Variants in ACOXL observed in about 807,000 individuals in gnomAD.
ACOXL encodes acyl-CoA oxidase like.
Under a neutral mutation model 71.9 loss-of-function variants are expected in ACOXL, and 70 were observed. The ratio of observed to expected loss-of-function variants is 0.97; its 90% CI spans 0.80 to 1.19. The LOEUF (loss-of-function observed/expected upper bound fraction) is 1.19, where lower values mean the gene tolerates loss of function less well. Ranked by LOEUF, ACOXL falls within the 50% of genes most tolerant of loss-of-function variation. The pLI is 0.00. For missense variants in ACOXL, 703 were observed against 736.3 expected (o/e 0.95, Z 0.52); for synonymous variants, 253 against 281.6 (o/e 0.90, Z 1.02).
chr2:110,973,724 A>G (rs2149495261), intron 12 of ACOXL, among the ~76,000 whole-genome samples: 1 of 152,312 alleles, frequency 6.6e-6, no homozygotes, highest in African/African-American at 2.4e-5. Flanking sequence ...ACAAGGATTG[A>G]GAGCAGGAGA....
chr2:110,900,540 G>A (rs2059193588), intron 10 of ACOXL, among the ~76,000 whole-genome samples: 1 of 152,180 alleles, frequency 6.6e-6, no homozygotes, highest in Non-Finnish European at 1.5e-5. Flanking sequence ...CACACTGGCA[G>A]GTGTTAGAGT....
At chr2:110,807,149 G>A (rs1214125480) in intron 9 of ACOXL, among the ~76,000 whole-genome samples, 2 of 152,210 alleles carry the variant, frequency 1.3e-5, no homozygotes, top group Non-Finnish European at 2.9e-5. Flanking sequence ...CCGGCAACAC[G>A]GAGACGTGAT....
intron 16 of ACOXL, among the ~76,000 whole-genome samples, chr2:111,049,853 G>C (rs942100978): frequency 6.6e-6 from 1 of 150,610 alleles, no homozygotes; most frequent in East Asian, 2.0e-4. Flanking sequence ...AGGAGCAGAG[G>C]CATTTCCAAA....
intron 9 of ACOXL, among the ~76,000 whole-genome samples, chr2:110,820,411 CACAG>C (rs1688453978): frequency 6.6e-6 from 1 of 152,054 alleles, no homozygotes; most frequent in Non-Finnish European, 1.5e-5. Context: ...ATTTTTTCCT[CACAG>C]ACAGGAGGGA....
At chr2:110,903,292 C>T (rs1425060952) in intron 10 of ACOXL, among the ~76,000 whole-genome samples, 2 of 152,250 alleles carry the variant, frequency 1.3e-5, no homozygotes, top group Non-Finnish European at 1.5e-5. Flanking sequence ...TGATTAATAG[C>T]CATGTCACAT....
intron 16 of ACOXL, 85 bp downstream of exon 16, chr2:111,049,373 A>C (rs1050579592): frequency 2.8e-6 from 3 of 1,073,488 alleles, no homozygotes; most frequent in Non-Finnish European, 4.2e-6. Flanking sequence ...TACAAGCGGG[A>C]GTAAATTTAT....
intron 17 of ACOXL, among the ~76,000 whole-genome samples, chr2:111,095,686 C>T (rs369942487): frequency 2.8e-4 from 43 of 152,180 alleles, no homozygotes; most frequent in African/African-American, 7.9e-4. Flanking sequence ...CCACTGCACC[C>T]GGACTGCTTT....
At chr2:110,758,194 A>T (rs1679943749) in intron 1 of ACOXL, among the ~76,000 whole-genome samples, 1 of 152,160 alleles carries the variant, frequency 6.6e-6, no homozygotes, top group African/African-American at 2.4e-5. Flanking sequence ...CAAAGATTAG[A>T]TGCTTGTAGG....
intron 14 of ACOXL, among the ~76,000 whole-genome samples, chr2:110,999,412 G>A (rs532444517): frequency 6.6e-6 from 1 of 152,212 alleles, no homozygotes; most frequent in South Asian, 2.1e-4. Flanking sequence ...ACATAATCCA[G>A]CCACTACCAG....
chr2:110,962,170 G>A (rs1455994917), intron 12 of ACOXL, among the ~76,000 whole-genome samples: 4 of 152,246 alleles, frequency 2.6e-5, no homozygotes, highest in African/African-American at 4.8e-5. Context: ...ATTCTGTGAG[G>A]TAAAGGAAGT....
intron 10 of ACOXL, among the ~76,000 whole-genome samples, chr2:110,896,115 T>C (rs780029908): frequency 6.6e-6 from 1 of 152,098 alleles, no homozygotes; most frequent in Non-Finnish European, 1.5e-5. Context: ...AAACGAGATA[T>C]AAAAGAGTTA....
At chr2:110,840,599 C>T (rs1691043014) in intron 9 of ACOXL, among the ~76,000 whole-genome samples, 2 of 152,148 alleles carry the variant, frequency 1.3e-5, no homozygotes, top group South Asian at 4.1e-4. Context: ...CTGGCCTGAC[C>T]CTTGTAATCC....
chr2:111,083,455 C>T (rs1013026226), intron 16 of ACOXL, among the ~76,000 whole-genome samples: 1 of 152,120 alleles, frequency 6.6e-6, no homozygotes. Context: ...ATTGTCCACT[C>T]CCAGTGGAGT....
At chr2:111,115,143 T>C (rs779711900) in intron 17 of ACOXL, among the ~76,000 whole-genome samples, 6 of 152,232 alleles carry the variant, frequency 3.9e-5, no homozygotes, top group Non-Finnish European at 8.8e-5. Flanking sequence ...GAATTTTCTT[T>C]GTAAAGATAT....
Position 110,799,101 on chromosome 2 carries a change from G to A in ACOXL, c.547+1G>A, listed in dbSNP as rs1214529650. The A allele has an allele frequency of 1.2e-6, 2 of 1,613,664 alleles. No homozygotes were observed. Among genetic ancestry groups the A allele is most frequent in the Admixed American group, 3.3e-5 (2 of 59,992 alleles). ...GCTATTGATATGATGTACAAGGAGG[G>A]TGAGTCCCCAGGTGCCCTTTTCCTG... On this transcript the variant is annotated splice_donor_variant, in intron 7 of 17. Transcript: ENST00000439055. LOFTEE classifies it high-confidence loss of function.
At chr2:110,954,224 G>T (rs1187376419) in intron 12 of ACOXL, among the ~76,000 whole-genome samples, 2 of 152,104 alleles carry the variant, frequency 1.3e-5, no homozygotes, top group African/African-American at 4.8e-5. Context: ...TATGCTTATA[G>T]TTTCAACTTT....
chr2:111,092,762 T>C, intron 16 of ACOXL, 103 bp from the exon 17 acceptor site: 1 of 814,270 alleles, frequency 1.2e-6, no homozygotes, highest in Non-Finnish European at 2.0e-6. Context: ...TTTACGATTT[T>C]ATGAAATGTA....
chr2:110,788,234 G>A (rs1340300046), intron 3 of ACOXL, among the ~76,000 whole-genome samples: 1 of 152,194 alleles, frequency 6.6e-6, no homozygotes. Flanking sequence ...CTGGAAACAA[G>A]CCACATTTCC....
At chr2:110,886,533 C>T (rs986322232) in intron 10 of ACOXL, among the ~76,000 whole-genome samples, 6 of 151,956 alleles carry the variant, frequency 3.9e-5, no homozygotes, top group Non-Finnish European at 7.4e-5. Flanking sequence ...TGCACCACCA[C>T]GCTTGGCTAG....
Sources: gnomAD v4.1 joint callset for allele counts (sites outside exome capture counted in the v4.1 genomes callset) on GRCh38, gnomAD v4.1.1 for gene constraint, MANE v1.5 for transcripts, NCBI Gene and HGNC (gene_info 2026-07-23, HGNC 2026-07-21) for gene names.